CFAP54: variants seen among roughly 807,000 people sequenced by gnomAD.
The protein encoded by CFAP54 is cilia and flagella associated protein 54, also known as cilia- and flagella-associated protein 54.
In CFAP54, 290 loss-of-function variants were observed where a neutral mutation model predicts 370.4. That is an observed-to-expected ratio of 0.78 (90% CI 0.71 to 0.86). CFAP54 has a LOEUF of 0.86. Ranked by LOEUF, CFAP54 falls within the 40% of genes least tolerant of loss-of-function variation. The pLI, the probability that CFAP54 is intolerant of heterozygous loss-of-function variation, is 0.00. For missense variants in CFAP54, 3,399 were observed against 3,528.7 expected, an observed-to-expected ratio of 0.96 and a Z score of 0.93; for synonymous variants, 1,206 against 1,236.5, an observed-to-expected ratio of 0.98 and a Z score of 0.52.
chr12:96,712,148 T>C (rs1473618272), intron 48 of CFAP54, among the ~76,000 whole-genome samples: 1 of 152,148 alleles, frequency 6.6e-6, no homozygotes, highest in Non-Finnish European at 1.5e-5. Context: ...TTTTTTTCCA[T>C]CCAATGGTTG....
rs36091904 is a variant in CFAP54, at chr12:96,704,425, TAA to T, written c.6475-302_6475-301del. On this transcript the variant is annotated intron_variant, in intron 46 of 67. Transcript: ENST00000524981. ...CTGGGCGACAGAGCGAGACTCGGTC[TAA>T]AAAAAAAAAAAAAAATGTATGTGTG... 3.8e-3 allele frequency among the ~76,000 whole-genome samples: 262 copies of T among 68,342 alleles called. 3 individuals are homozygous for T. The highest frequency in any genetic ancestry group is 9.0e-3 in the East Asian group (25 of 2,780). 44.8% of individuals were successfully genotyped at this position (68,342 alleles called of 152,430 possible). A position where few individuals can be genotyped will look rare whatever the true frequency, so the allele number is the denominator to read the frequency against.
intron 40 of CFAP54, among the ~76,000 whole-genome samples, chr12:96,684,378 TCTC>T (rs1273128507): frequency 4.6e-5 from 7 of 152,156 alleles, no homozygotes; most frequent in African/African-American, 1.7e-4. Context: ...AAGTTTCTCT[TCTC>T]CTGTCTCTAC....
At chr12:96,834,159 T>C (rs1959178905) in intron 66 of CFAP54, among the ~76,000 whole-genome samples, 1 of 152,062 alleles carries the variant, frequency 6.6e-6, no homozygotes, top group Non-Finnish European at 1.5e-5. Context: ...AAAGTGAAGG[T>C]TGAAAGTGTA....
intron 60 of CFAP54, among the ~76,000 whole-genome samples, chr12:96,777,397 T>C (rs1403758156): frequency 6.6e-6 from 1 of 151,898 alleles, no homozygotes; most frequent in Non-Finnish European, 1.5e-5. Context: ...CCCAGGCTGC[T>C]GGAGTGCAAT....
At chr12:96,758,488 A>G (rs1386408727) in intron 58 of CFAP54, among the ~76,000 whole-genome samples, 2 of 152,214 alleles carry the variant, frequency 1.3e-5, no homozygotes, top group Non-Finnish European at 2.9e-5. Flanking sequence ...AAACTGTCCC[A>G]TGATTCAGTT....
chr12:96,665,221 T>C (rs893665901), intron 39 of CFAP54, among the ~76,000 whole-genome samples: 1 of 152,082 alleles, frequency 6.6e-6, no homozygotes, highest in Non-Finnish European at 1.5e-5. Flanking sequence ...TATTAGACCT[T>C]TGTTGGATGC....
chr12:96,543,206 G>A (rs918401360), intron 14 of CFAP54, among the ~76,000 whole-genome samples: 1 of 152,206 alleles, frequency 6.6e-6, no homozygotes, highest in Non-Finnish European at 1.5e-5. Context: ...TCAGGTCTAG[G>A]TTGGTTCCCC....
At chr12:96,527,162 G>A in intron 8 of CFAP54, 84 bp from the exon 9 acceptor site, 1 of 1,217,378 alleles carries the variant, frequency 8.2e-7, no homozygotes, top group Non-Finnish European at 1.1e-6. Context: ...CTCCCAAAGT[G>A]TTGGGATTAT....
chr12:96,529,650 ATT>A (rs1338482172), intron 9 of CFAP54, among the ~76,000 whole-genome samples: 5 of 152,020 alleles, frequency 3.3e-5, no homozygotes, highest in Non-Finnish European at 5.9e-5. Flanking sequence ...TGGATATCCT[ATT>A]TTGTGAGGTG....
chr12:96,540,974 T>C lies in CFAP54; in HGVS notation c.2064T>C (p.Phe688=), dbSNP rs1056226874. Residue 688 remains phenylalanine (F), a synonymous_variant, in exon 14 of 68, where the codon TTT becomes TTC. Coordinates refer to ENST00000524981, the MANE Select transcript of CFAP54 (RefSeq NM_001306084.2). Reference sequence around the variant, plus strand: ...CTTTAGGAAGCCCAGGAAGAAAATTTAAACAATCTCTAGGTAAAATGTTGG... The same window carrying C: ...CTTTAGGAAGCCCAGGAAGAAAATTCAAACAATCTCTAGGTAAAATGTTGG... ...LESLGSPGRK[F]KQSLDVPLRE... is the part of the protein sequence containing the mutation. 9 of 1,504,476 alleles carry C rather than the reference T, an allele frequency of 6.0e-6. No individual in the cohort carries two copies. Among genetic ancestry groups the C allele is most frequent in the Non-Finnish European group, 7.9e-6 (9 of 1,136,010 alleles). 93.2% of individuals were successfully genotyped at this position (1,504,476 alleles called of 1,614,324 possible). A position where few individuals can be genotyped will look rare whatever the true frequency, so the allele number is the denominator to read the frequency against.
chr12:96,527,483 A>C, intron 9 of CFAP54, 39 bp downstream of exon 9: 1 of 1,393,494 alleles, frequency 7.2e-7, no homozygotes, highest in South Asian at 1.6e-5. Flanking sequence ...TGATAGAATG[A>C]TACACATGAG....
intron 26 of CFAP54, among the ~76,000 whole-genome samples, chr12:96,619,985 T>A (rs1956467648): frequency 6.6e-6 from 1 of 152,184 alleles, no homozygotes; most frequent in South Asian, 2.1e-4. Flanking sequence ...ACCCTGCCTC[T>A]ACAAAATATA....
In CFAP54 at chr12:96,739,934, T is replaced by C. The variant is rs1958030603; in HGVS notation, c.6966-22T>C. On this transcript the variant is annotated intron_variant, in intron 50 of 67. Coordinates refer to ENST00000524981, the MANE Select transcript of CFAP54 (RefSeq NM_001306084.2). ...CCACAAATATAATACTGATAACATTTAAAATATATTTTCTATTTTAGTGCT... is the reference window on the plus strand; with the variant it reads ...CCACAAATATAATACTGATAACATTCAAAATATATTTTCTATTTTAGTGCT... 3 of 1,319,660 alleles carry C rather than the reference T, an allele frequency of 2.3e-6. No homozygotes were observed. The South Asian group carries it at 3.7e-5, about 16-fold the overall frequency. 81.7% of individuals were successfully genotyped at this position (1,319,660 alleles called of 1,614,324 possible). A position where few individuals can be genotyped will look rare whatever the true frequency, so the allele number is the denominator to read the frequency against.
At chr12:96,734,189 C>G (rs1957955343) in intron 50 of CFAP54, among the ~76,000 whole-genome samples, 2 of 152,136 alleles carry the variant, frequency 1.3e-5, no homozygotes, top group Non-Finnish European at 2.9e-5. Context: ...AATTCAGTAA[C>G]TGCTAAGAAA....
chr12:96,636,150 C>T (rs1334358777), intron 32 of CFAP54, among the ~76,000 whole-genome samples: 1 of 152,170 alleles, frequency 6.6e-6, no homozygotes, highest in East Asian at 1.9e-4. Flanking sequence ...CTGTGAGTAA[C>T]ACATTTCTTT....
chr12:96,545,508 T>A (rs1202523382), intron 14 of CFAP54, among the ~76,000 whole-genome samples: 1 of 151,776 alleles, frequency 6.6e-6, no homozygotes, highest in Non-Finnish European at 1.5e-5. Context: ...CAAAAAAAAA[T>A]AAAGTCACCA....
chr12:96,542,806 A>G (rs918004574), intron 14 of CFAP54, among the ~76,000 whole-genome samples: 1 of 152,198 alleles, frequency 6.6e-6, no homozygotes, highest in Non-Finnish European at 1.5e-5. Flanking sequence ...GGTTTGTTCC[A>G]ATCAGAATCC....
At position 96,524,792 on chromosome 12, in the gene CFAP54, G is replaced by A. The variant is rs1474478721; in HGVS notation, c.1159-2454G>A. Among the ~76,000 whole-genome samples the A allele has an allele frequency of 2.0e-5, 3 of 152,128 alleles. No homozygotes were observed. The East Asian group carries it at 5.8e-4, about 29-fold the overall frequency. On this transcript the variant is annotated intron_variant, in intron 8 of 67. Coordinates refer to ENST00000524981, the MANE Select transcript of CFAP54 (RefSeq NM_001306084.2). ...TTTAAAGATGGAACCAGACTGTACA[G>A]TTGTGCCATTCAGATTTTCATTCAT... is the stretch of plus-strand genomic sequence containing the variant.
chr12:96,795,931 T>G (rs1486648528), intron 63 of CFAP54, among the ~76,000 whole-genome samples: 1 of 152,196 alleles, frequency 6.6e-6, no homozygotes, highest in Non-Finnish European at 1.5e-5. Flanking sequence ...GTTAGAAATG[T>G]CTTCCCTGGG....
Sources: allele counts gnomAD v4.1 joint callset (sites outside exome capture counted in the v4.1 genomes callset), GRCh38; gene constraint gnomAD v4.1.1; transcripts MANE v1.5; gene names NCBI Gene and HGNC (gene_info 2026-07-23, HGNC 2026-07-21).